TCF20: variants seen among roughly 807,000 people sequenced by gnomAD.
The protein encoded by TCF20 is transcription factor 20, also known as SPRE-binding protein.
In TCF20, 3 loss-of-function variants were observed where a neutral mutation model predicts 148.6. The observed-to-expected ratio is 0.02, with a 90% confidence interval of 0.01 to 0.05. The LOEUF (loss-of-function observed/expected upper bound fraction) is 0.05. Among genes scored for constraint, TCF20 ranks in the 10% least tolerant of loss-of-function variants. The pLI, the probability that TCF20 is intolerant of heterozygous loss-of-function variation, is 1.00. For missense variants in TCF20, 2,350 were observed against 2,429.3 expected (o/e 0.97, Z 0.69); for synonymous variants, 1,049 against 909.5 (o/e 1.15, Z -2.76).
rs147087612 is a variant in TCF20, at chr22:42,171,547, G to A, written c.5750-1651C>T. On this transcript the variant is annotated intron_variant, in intron 3 of 5. Transcript: ENST00000677622. ...TGGGCGGCAGCCTTCTTGGCTCCGT[G>A]GGCCCAAGAGCTCAGCAACTTACTA... Among the ~76,000 whole-genome samples, 381 of 152,200 alleles carry A rather than the reference G, an allele frequency of 2.5e-3. 2 individuals carry two copies. Among genetic ancestry groups the A allele is most frequent in the African/African-American group, 8.9e-3 (370 of 41,516 alleles).
intron 1 of TCF20, 151 bp from the exon 2 acceptor site, chr22:42,215,492 C>CTCTTGTCTCAAA: frequency 9.7e-7 from 1 of 1,032,390 alleles, no homozygotes; most frequent in Non-Finnish European, 1.3e-6. Context: ...TTTTTTGAGA[C>CTCTTGTCTCAAA]AAGAGTCTCA....
chr22:42,315,065 C>A (rs2147044985), intron 1 of TCF20, among the ~76,000 whole-genome samples: 1 of 152,184 alleles, frequency 6.6e-6, no homozygotes, highest in African/African-American at 2.4e-5. Context: ...AGTTTTCACA[C>A]AATTTTTCAG....
In TCF20 at chr22:42,215,383, T is replaced by C. The variant is rs143981920; in HGVS notation, c.-36-42A>G. ...GAAAAACATTAGACACGCATCTCCT[T>C]GGTACAAATAAAATCAAGTCTAGAT... On this transcript the variant is annotated intron_variant, in intron 1 of 5. Transcript: ENST00000677622. 284 of 1,518,290 alleles carry C rather than the reference T, an allele frequency of 1.9e-4. No individual in the cohort carries two copies. The African/African-American group carries it at 3.7e-3, about 20-fold the overall frequency. 94.1% of individuals were successfully genotyped at this position (1,518,290 alleles called of 1,614,324 possible).
At chr22:42,261,817 C>A (rs1288456943) in intron 1 of TCF20, among the ~76,000 whole-genome samples, 1 of 152,106 alleles carries the variant, frequency 6.6e-6, no homozygotes, top group Non-Finnish European at 1.5e-5. Flanking sequence ...CATGGTGGAA[C>A]CTGTCTCTAC....
At chr22:42,225,826 C>T (rs967752901) in intron 1 of TCF20, among the ~76,000 whole-genome samples, 2 of 152,146 alleles carry the variant, frequency 1.3e-5, no homozygotes, top group African/African-American at 2.4e-5. Context: ...CAATGCCACA[C>T]ACAGGGTTGT....
chr22:42,241,386 G>A (rs975449528), intron 1 of TCF20, among the ~76,000 whole-genome samples: 2 of 152,148 alleles, frequency 1.3e-5, no homozygotes, highest in Non-Finnish European at 2.9e-5. Context: ...ATTATATTTA[G>A]TATGTTCTAG....
In TCF20 at chr22:42,218,143, A is replaced by C. The variant is rs190807439; in HGVS notation, c.-36-2802T>G. Reference sequence around the variant, plus strand: ...ACATACACTAACTCATTTAATCCTCACAACACTAGCACGCTCCTTTTACAG... The same window carrying C: ...ACATACACTAACTCATTTAATCCTCCCAACACTAGCACGCTCCTTTTACAG... On this transcript the variant is annotated intron_variant, in intron 1 of 5. Transcript: ENST00000677622. Among the ~76,000 whole-genome samples, 227 of 152,324 alleles carry C rather than the reference A, an allele frequency of 1.5e-3. 1 individual carries two copies. The highest frequency in any genetic ancestry group is 0.014 in the Middle Eastern group (4 of 294).
intron 1 of TCF20, among the ~76,000 whole-genome samples, chr22:42,340,036 C>A (rs1928137080): frequency 6.6e-6 from 1 of 152,202 alleles, no homozygotes; most frequent in Non-Finnish European, 1.5e-5. Flanking sequence ...TAGGCCAGAA[C>A]CCCAGTGACT....
At chr22:42,258,512 C>T (rs1433166797) in intron 1 of TCF20, among the ~76,000 whole-genome samples, 3 of 152,182 alleles carry the variant, frequency 2.0e-5, no homozygotes, top group African/African-American at 7.2e-5. Flanking sequence ...TGTGTGCTGG[C>T]TCCTCATCAG....
At chr22:42,329,924 A>T (rs986535000) in intron 1 of TCF20, among the ~76,000 whole-genome samples, 1 of 152,290 alleles carries the variant, frequency 6.6e-6, no homozygotes, top group East Asian at 1.9e-4. Flanking sequence ...ACCAGGGGCC[A>T]CCAAGTTCAA....
chr22:42,340,471 A>C (rs1025317515), intron 1 of TCF20, among the ~76,000 whole-genome samples: 5 of 152,132 alleles, frequency 3.3e-5, no homozygotes, highest in Admixed American at 2.6e-4. Flanking sequence ...CTCAGCCATC[A>C]CCAGACAAGA....
At chr22:42,230,155 CCTT>C (rs1248007069) in intron 1 of TCF20, among the ~76,000 whole-genome samples, 2 of 152,210 alleles carry the variant, frequency 1.3e-5, no homozygotes, top group African/African-American at 4.8e-5. Flanking sequence ...CTCCCAAACA[CCTT>C]AAAGTTGAAG....
rs1484810776 is a variant in TCF20, at chr22:42,290,167, G to GGGGCCAGGGCCAGAGGT, written c.-37+53295_-37+53311dup. Among the ~76,000 whole-genome samples the GGGGCCAGGGCCAGAGGT allele has an allele frequency of 6.6e-6, 1 of 152,090 alleles. No individual in the cohort carries two copies. The highest frequency in any genetic ancestry group is 2.4e-5 in the African/African-American group (1 of 41,408). ...CAGGGCTGGGCCCCAATCCTTGCTG[G>GGGGCCAGGGCCAGAGGT]GGGCCAGGGCCAGAGGTGGGCCAGA... On this transcript the variant is annotated intron_variant, in intron 1 of 1. Transcript: ENST00000515426. This position sits in a 1 kb window ranked among gnomAD's most constrained non-coding sequence, Gnocchi z 4.2.
At chr22:42,247,256 A>G (rs1924995300) in intron 1 of TCF20, among the ~76,000 whole-genome samples, 1 of 151,896 alleles carries the variant, frequency 6.6e-6, no homozygotes, top group Non-Finnish European at 1.5e-5. Context: ...CCTGGTCAAC[A>G]TGGTGAAATC....
At chr22:42,343,534 G>C (rs1221602680) in exon 1 of TCF20, 2 of 146,614 alleles carry the variant, frequency 1.4e-5, no homozygotes, top group Admixed American at 1.4e-4. Context: ...CAGCGGGGCC[G>C]GGCTCCGGAG....
intron 1 of TCF20, among the ~76,000 whole-genome samples, chr22:42,261,902 A>G (rs979473964): frequency 6.6e-6 from 1 of 152,138 alleles, no homozygotes; most frequent in African/African-American, 2.4e-5. Flanking sequence ...GAGGCAGGAG[A>G]ATCACTTGAA....
In TCF20 at chr22:42,338,029, C is replaced by T. The variant is rs565387201; in HGVS notation, c.-37+5450G>A. Among the ~76,000 whole-genome samples, 411 of 152,336 alleles carry T rather than the reference C, an allele frequency of 2.7e-3. 7 individuals are homozygous for T. The highest frequency in any genetic ancestry group is 3.6e-3 in the Non-Finnish European group (243 of 68,024). The stretch of plus-strand genomic sequence containing the variant: ...CACATGCCCCTTTCTCCACCAGTCA[C>T]TGTGGCCAGAGGGAGGGGGTACTGG... On this transcript the variant is annotated intron_variant, in intron 1 of 1. Transcript: ENST00000515426. This position sits in a 1 kb window ranked among gnomAD's most constrained non-coding sequence, Gnocchi z 4.0.
chr22:42,338,910 T>C lies in TCF20; in HGVS notation c.-37+4569A>G, dbSNP rs1465532643. On this transcript the variant is annotated intron_variant, in intron 1 of 1. Transcript: ENST00000515426. The surrounding 1 kb of genome is among the most constrained non-coding windows in gnomAD (Gnocchi z 4.0). ...AATCACGGAGATCTAAGGATGGGGG[T>C]GAGCAGGGTGTCTGGTCCCATTTTT... 6.6e-6 allele frequency among the ~76,000 whole-genome samples: 1 copy of C among 151,968 alleles called. No homozygotes were observed. Among genetic ancestry groups the C allele is most frequent in the Non-Finnish European group, 1.5e-5 (1 of 68,002 alleles).
At chr22:42,206,552 T>TA (rs1938401713) in intron 2 of TCF20, among the ~76,000 whole-genome samples, 1 of 152,184 alleles carries the variant, frequency 6.6e-6, no homozygotes, top group African/African-American at 2.4e-5. Context: ...TTGAGGGTCT[T>TA]AAATGTTACA....
Sources: allele counts gnomAD v4.1 joint callset (sites outside exome capture counted in the v4.1 genomes callset), GRCh38; gene constraint gnomAD v4.1.1; non-coding constraint Gnocchi (gnomAD v3.1); transcripts MANE v1.5; gene names NCBI Gene and HGNC (gene_info 2026-07-23, HGNC 2026-07-21).